MTA3: variants seen among roughly 807,000 people sequenced by gnomAD.
The protein encoded by MTA3 is metastasis-associated protein MTA3.
A neutral mutation model predicts 83.5 loss-of-function variants in MTA3; 34 were observed. That is an observed-to-expected ratio of 0.41 (90% CI 0.31 to 0.54). The LOEUF is 0.54. Ranked by LOEUF, MTA3 falls within the 20% of genes least tolerant of loss-of-function variation. The pLI is 0.33. For missense variants in MTA3, 761 were observed against 726.4 expected (o/e 1.05, Z -0.55); for synonymous variants, 303 against 252.7 (o/e 1.20, Z -1.89).
At chr2:42,649,608 G>A (rs1688525260) in intron 6 of MTA3, among the ~76,000 whole-genome samples, 2 of 152,198 alleles carry the variant, frequency 1.3e-5, no homozygotes, top group Admixed American at 1.3e-4. Flanking sequence ...GGAAACAAGT[G>A]TTCTCACAGA....
intron 16 of MTA3, among the ~76,000 whole-genome samples, chr2:42,730,866 T>C (rs1668185518): frequency 6.6e-6 from 1 of 152,168 alleles, no homozygotes; most frequent in African/African-American, 2.4e-5. Flanking sequence ...GACTTTTTAT[T>C]ATGGCCTTGA....
chr2:42,660,119 T>C (rs1316384954), intron 8 of MTA3, among the ~76,000 whole-genome samples: 1 of 151,940 alleles, frequency 6.6e-6, no homozygotes, highest in South Asian at 2.1e-4. Context: ...AGATGGAGTC[T>C]TGCTCTGTCA....
chr2:42,743,994 G>A (rs921417019), intron 16 of MTA3, among the ~76,000 whole-genome samples: 1 of 152,182 alleles, frequency 6.6e-6, no homozygotes, highest in Non-Finnish European at 1.5e-5. Context: ...AGTGTCCCTA[G>A]ACTCACCTCT....
intron 16 of MTA3, among the ~76,000 whole-genome samples, chr2:42,744,771 T>A (rs1420132505): frequency 6.6e-6 from 1 of 152,194 alleles, no homozygotes; most frequent in East Asian, 1.9e-4. Context: ...CATAACTGTC[T>A]GAAAAAGCCA....
At chr2:42,553,903 G>T (rs1572973066) in intron 2 of MTA3, among the ~76,000 whole-genome samples, 2 of 123,880 alleles carry the variant, frequency 1.6e-5, no homozygotes, top group African/African-American at 6.1e-5. Flanking sequence ...AAAAACGAAA[G>T]AAAGAAAGAA....
chr2:42,525,950 G>A (rs986135886), intron 2 of MTA3, among the ~76,000 whole-genome samples: 1 of 151,712 alleles, frequency 6.6e-6, no homozygotes, highest in East Asian at 1.9e-4. Flanking sequence ...ATGAGCCACC[G>A]CGCCTGCCCT....
intron 16 of MTA3, among the ~76,000 whole-genome samples, chr2:42,750,817 C>T (rs550549476): frequency 6.6e-6 from 1 of 152,278 alleles, no homozygotes. Context: ...ATAAATATCT[C>T]GACTGGTGGG....
intron 3 of MTA3, among the ~76,000 whole-genome samples, chr2:42,605,369 G>A (rs1683150372): frequency 6.2e-5 from 2 of 32,034 alleles, no homozygotes; most frequent in Admixed American, 2.9e-4. Flanking sequence ...CTCCCGGACG[G>A]GGCGGCTGGC....
At chr2:42,584,195 C>T (rs894717900) in intron 3 of MTA3, among the ~76,000 whole-genome samples, 1 of 151,974 alleles carries the variant, frequency 6.6e-6, no homozygotes, top group Non-Finnish European at 1.5e-5. Context: ...TCATCATGTA[C>T]AAGCAGAGAA....
intron 8 of MTA3, among the ~76,000 whole-genome samples, chr2:42,672,611 C>T (rs1261773897): frequency 6.8e-5 from 8 of 117,800 alleles, no homozygotes; most frequent in Admixed American, 4.7e-4. Context: ...TGCCACTGAA[C>T]TCTAGCCCGG....
At chr2:42,594,883 C>G (rs570904253) in intron 3 of MTA3, among the ~76,000 whole-genome samples, 1 of 116,124 alleles carries the variant, frequency 8.6e-6, no homozygotes, top group Non-Finnish European at 1.7e-5. Context: ...CCTGCCACTA[C>G]GCCTGGCTAA....
chr2:42,695,249 G>C (rs956140223), intron 9 of MTA3, among the ~76,000 whole-genome samples: 52 of 152,120 alleles, frequency 3.4e-4, no homozygotes, highest in African/African-American at 1.0e-3. Flanking sequence ...ACTTGTTTGG[G>C]GTACCGTTTG....
intron 4 of MTA3, among the ~76,000 whole-genome samples, chr2:42,617,946 A>G (rs1558506984): frequency 6.6e-6 from 1 of 151,948 alleles, no homozygotes; most frequent in South Asian, 2.1e-4. Flanking sequence ...TTTTTTAAAA[A>G]AAAAAAAATT....
intron 4 of MTA3, among the ~76,000 whole-genome samples, chr2:42,625,804 T>A (rs1260124404): frequency 1.3e-5 from 2 of 151,544 alleles, no homozygotes; most frequent in African/African-American, 2.4e-5. Context: ...CCAGTCATTT[T>A]AATAAATCTA....
chr2:42,684,939 A>G (rs1287823237), intron 9 of MTA3, among the ~76,000 whole-genome samples: 5 of 152,258 alleles, frequency 3.3e-5, no homozygotes. Flanking sequence ...CAGTACATGA[A>G]CAAGTGTATA....
chr2:42,721,647 A>C (rs1667417952), intron 15 of MTA3, among the ~76,000 whole-genome samples: 1 of 152,094 alleles, frequency 6.6e-6, no homozygotes, highest in South Asian at 2.1e-4. Flanking sequence ...AATTTTTTCT[A>C]ATGAGCGTTA....
chr2:42,534,733 C>T (rs1297163639), intron 2 of MTA3, among the ~76,000 whole-genome samples: 5 of 152,114 alleles, frequency 3.3e-5, no homozygotes, highest in African/African-American at 7.2e-5. Context: ...CTTGTTTATT[C>T]TACTGTTATT....
chr2:42,546,486 A>G (rs1676764256), intron 2 of MTA3, among the ~76,000 whole-genome samples: 3 of 141,972 alleles, frequency 2.1e-5, no homozygotes, highest in Non-Finnish European at 4.6e-5. Context: ...TAACCTGGCA[A>G]CTTTGGTCAT....
chr2:42,560,321 A>T (rs529215739), intron 2 of MTA3, among the ~76,000 whole-genome samples: 55 of 150,518 alleles, frequency 3.7e-4, no homozygotes, highest in Admixed American at 1.5e-3. Flanking sequence ...TTTTTTTTTT[A>T]AAACTGCGTC....
Sources: allele counts gnomAD v4.1 joint callset (sites outside exome capture counted in the v4.1 genomes callset), GRCh38; gene constraint gnomAD v4.1.1; transcripts MANE v1.5; gene names NCBI Gene and HGNC (gene_info 2026-07-23, HGNC 2026-07-21).